The following ORC3 variants were observed in gnomAD, a reference collection of about 807,000 sequenced individuals.
ORC3 encodes homolog of latheo, Drosophila.
In ORC3, 78 loss-of-function variants were observed where a neutral mutation model predicts 100.7. The observed-to-expected ratio is 0.77, with a 90% CI of 0.65 to 0.94. ORC3 has a LOEUF of 0.94. Ranked by LOEUF, ORC3 falls within the 40% of genes least tolerant of loss-of-function variation. The pLI is 0.00. For synonymous variants in ORC3, 295 were observed against 289.3 expected (o/e 1.02, Z -0.20); for missense variants, 789 against 823.9 (o/e 0.96, Z 0.52).
At chr6:87,611,098 G>A (rs1051755436) in intron 7 of ORC3, among the ~76,000 whole-genome samples, 5 of 151,456 alleles carry the variant, frequency 3.3e-5, no homozygotes, top group East Asian at 3.9e-4. Context: ...CACCATGCCC[G>A]GCTAATTTTT....
chr6:87,636,530 G>A, intron 13 of ORC3, 44 bp downstream of exon 13: 1 of 1,274,656 alleles, frequency 7.8e-7, no homozygotes, highest in Non-Finnish European at 1.1e-6. Context: ...TCTGCTATAA[G>A]CCTGCCAGTA....
intron 11 of ORC3, among the ~76,000 whole-genome samples, chr6:87,623,318 T>C (rs1211265714): frequency 6.6e-6 from 1 of 152,210 alleles, no homozygotes; most frequent in Non-Finnish European, 1.5e-5. Context: ...TGTAATGCCT[T>C]CAGAGCAGTA....
At chr6:87,609,451 A>G (rs1436178064) in intron 7 of ORC3, 3 of 406,452 alleles carry the variant, frequency 7.4e-6, no homozygotes, top group Non-Finnish European at 1.3e-5. Context: ...TTAAATTGAC[A>G]TGGTAAGATA....
intron 2 of ORC3, among the ~76,000 whole-genome samples, chr6:87,597,765 G>A (rs1354597756): frequency 6.6e-6 from 1 of 150,876 alleles, no homozygotes; most frequent in Non-Finnish European, 1.5e-5. Flanking sequence ...TGTTGCCCAG[G>A]CTGGTCCTGA....
chr6:87,617,544 G>T (rs1779244233), intron 9 of ORC3, among the ~76,000 whole-genome samples: 1 of 151,998 alleles, frequency 6.6e-6, no homozygotes, highest in South Asian at 2.1e-4. Flanking sequence ...AGACCAGCCT[G>T]AACAACATAA....
In ORC3 at chr6:87,590,136, A is replaced by C. The variant is rs756850039; in HGVS notation, c.-33A>C. 2 of 1,613,802 alleles carry C rather than the reference A, an allele frequency of 1.2e-6. No homozygotes were observed. The highest frequency in any genetic ancestry group is 1.7e-6 in the Non-Finnish European group (2 of 1,179,662). ...CCGCGAGGGCGCGCGGGAAATCCCG[A>C]GTGCATCTGGAATACGCAGAGTCAG... On this transcript the variant is annotated 5_prime_UTR_variant, in exon 1 of 20. Transcript: ENST00000392844.
intron 11 of ORC3, among the ~76,000 whole-genome samples, chr6:87,622,570 G>A (rs960653007): frequency 1.3e-5 from 2 of 151,962 alleles, no homozygotes; most frequent in Non-Finnish European, 2.9e-5. Flanking sequence ...ATACTTGGAT[G>A]TAGTATATAA....
chr6:87,621,254 T>G, intron 9 of ORC3, 100 bp from the exon 10 acceptor site: 1 of 776,728 alleles, frequency 1.3e-6, no homozygotes, highest in South Asian at 3.0e-5. Flanking sequence ...CCATAAATAC[T>G]TTGGCTCTTT....
chr6:87,665,711 A>G (rs747728724), intron 18 of ORC3, 43 bp from the exon 19 acceptor site: 11 of 1,175,720 alleles, frequency 9.4e-6, no homozygotes, highest in Non-Finnish European at 1.3e-5. Flanking sequence ...ATGTTTGGCA[A>G]CTGTAGACAT....
intron 16 of ORC3, 141 bp from the exon 17 acceptor site, chr6:87,662,862 C>A: frequency 2.4e-6 from 1 of 413,468 alleles, no homozygotes; most frequent in Non-Finnish European, 3.9e-6. Flanking sequence ...ATGGTTCAGT[C>A]CTCTACAGAG....
At chr6:87,594,314 G>A in intron 1 of ORC3, 39 bp from the exon 2 acceptor site, 1 of 1,463,334 alleles carries the variant, frequency 6.8e-7, no homozygotes, top group South Asian at 1.3e-5. Flanking sequence ...CTGCTCCTTG[G>A]CTACTTTGAC....
intron 2 of ORC3, 68 bp downstream of exon 2, chr6:87,594,475 G>A (rs566470541): frequency 2.1e-6 from 3 of 1,433,744 alleles, no homozygotes; most frequent in African/African-American, 2.8e-5. Context: ...AACCCTAATT[G>A]AATTTAGTAA....
At chr6:87,628,895 C>T (rs1225476282) in intron 11 of ORC3, among the ~76,000 whole-genome samples, 2 of 152,158 alleles carry the variant, frequency 1.3e-5, no homozygotes, top group African/African-American at 4.8e-5. Context: ...AAAAGGAAAA[C>T]AATCACAGTC....
chr6:87,614,187 C>T (rs183281334), intron 8 of ORC3, among the ~76,000 whole-genome samples: 72 of 152,320 alleles, frequency 4.7e-4, no homozygotes, highest in Non-Finnish European at 7.3e-4. Context: ...AGGCTCAACA[C>T]GATGTGGAAG....
At chr6:87,626,011 T>C (rs1226366727) in intron 11 of ORC3, among the ~76,000 whole-genome samples, 1 of 152,258 alleles carries the variant, frequency 6.6e-6, no homozygotes, top group Non-Finnish European at 1.5e-5. Flanking sequence ...TGTGGTGTTA[T>C]TTCTGAGGCC....
In ORC3 at chr6:87,606,024, A is replaced by G. The variant is rs201713777; in HGVS notation, c.427+3A>G. 1.7e-5 allele frequency: 5 copies of G among 290,054 alleles called. No individual in the cohort carries two copies. In the Admixed American group the frequency reaches 5.3e-4, roughly 31 times the overall value. 18.0% of individuals were successfully genotyped at this position (290,054 alleles called of 1,614,324 possible). ...ATTGCAAGCTAAAGATTGTCCAGGT[A>G]AAAATATAAATGCCATAATAACCTT... On this transcript the variant is annotated splice_donor_region_variant and intron_variant, in intron 5 of 19. Coordinates refer to ENST00000392844, the MANE Select transcript of ORC3 (RefSeq NM_012381.4).
chr6:87,607,584 AG>A (rs200894793), intron 5 of ORC3, 88 bp from the exon 6 acceptor site: 1 of 930,196 alleles, frequency 1.1e-6, no homozygotes, highest in Non-Finnish European at 1.6e-6. Context: ...CAAAAAAAAA[AG>A]TAATACACTC....
chr6:87,635,739 C>T lies in ORC3; in HGVS notation c.1303-668C>T, dbSNP rs578015200. On this transcript the variant is annotated intron_variant, in intron 12 of 19. Transcript: ENST00000392844. ...TTGAACCTGGGAGGCGGAGGTTGCA[C>T]TGAGCTGAGATCACTGCACTCCAGC... Among the ~76,000 whole-genome samples the T allele has an allele frequency of 7.2e-5, 11 of 151,792 alleles. No homozygotes were observed. In the South Asian group the frequency reaches 2.1e-3, roughly 29 times the overall value.
chr6:87,607,781 A>T lies in ORC3; in HGVS notation c.536A>T (p.Tyr179Phe). The T allele has an allele frequency of 6.2e-7, 1 of 1,612,662 alleles. No individual in the cohort carries two copies. Among genetic ancestry groups the T allele is most frequent in the Non-Finnish European group, 8.5e-7 (1 of 1,178,910 alleles). Residue 179 changes from tyrosine (Y) to phenylalanine (F), a missense_variant, in exon 6 of 20, where the codon TAT becomes TTT. Physicochemically the swap from Tyr to Phe is conservative, Grantham distance 22. Around this residue, in one of 3 missense-constraint regions of ORC3, gnomAD observed 399 missense variants for 382.0 expected, o/e 1.04. Coordinates refer to ENST00000392844, the MANE Select transcript of ORC3 (RefSeq NM_012381.4). ...CACGTCACCCAAAGAAAGACACATT[A>T]TTCAATGGATTCACTTTCCAGTTGG... Reference protein sequence around the residue: ...SVHVTQRKTHYSMDSLSSWYM... With the variant: ...SVHVTQRKTHFSMDSLSSWYM...
Sources: gnomAD v4.1 joint callset for allele counts (sites outside exome capture counted in the v4.1 genomes callset) on GRCh38, gnomAD v4.1.1 for gene constraint, gnomAD v4.1.1 regional missense constraint, MANE v1.5 for transcripts, NCBI Gene and HGNC (gene_info 2026-07-23, HGNC 2026-07-21) for gene names.